GNAS: variants seen among roughly 807,000 people sequenced by gnomAD.
GNAS encodes the protein GNAS complex locus, also known as protein ALEX.
In GNAS, 8 loss-of-function variants were observed where a neutral mutation model predicts 54.5. That is an observed-to-expected ratio of 0.15 (90% CI 0.09 to 0.26). The LOEUF (loss-of-function observed/expected upper bound fraction) is 0.26, where lower values mean the gene tolerates loss of function less well. Ranked by LOEUF, GNAS falls within the 10% of genes least tolerant of loss-of-function variation. The pLI is 1.00. For synonymous variants in GNAS, 204 were observed against 191.4 expected (o/e 1.07, Z -0.54); for missense variants, 170 against 529.8 (o/e 0.32, Z 6.67).
intron 5 of GNAS, among the ~76,000 whole-genome samples, chr20:58,904,865 T>C (rs2090936697): frequency 6.6e-6 from 1 of 152,230 alleles, no homozygotes; most frequent in South Asian, 2.1e-4. Context: ...ATTAAAAATG[T>C]ATCAGAACAA....
upstream of GNAS, chr20:58,888,955 C>A (rs905192511): frequency 3.4e-5 from 15 of 444,378 alleles, no homozygotes; most frequent in Non-Finnish European, 8.9e-6. Context: ...CGCGCCCGCG[C>A]CCCCCGCCAT....
At chr20:58,896,959 C>G (rs559751877) in intron 2 of GNAS, among the ~76,000 whole-genome samples, 3 of 152,284 alleles carry the variant, frequency 2.0e-5, no homozygotes, top group Admixed American at 1.3e-4. Flanking sequence ...ACTTTTTCAC[C>G]TTTCAGAGCA....
chr20:58,877,259 A>G (rs948294331), intron 1 of GNAS, among the ~76,000 whole-genome samples: 1 of 151,932 alleles, frequency 6.6e-6, no homozygotes, highest in African/African-American at 2.4e-5. Context: ...GTCACTGCCA[A>G]ATGACAGATG....
At chr20:58,903,507 C>A in intron 3 of GNAS, 24 bp from the exon 4 acceptor site, 1 of 1,598,456 alleles carries the variant, frequency 6.3e-7, no homozygotes, top group Non-Finnish European at 8.6e-7. Flanking sequence ...ATATGATTTT[C>A]TTTTCTTTTC....
At chr20:58,855,711 C>A in intron 1 of GNAS, 1 of 643,098 alleles carries the variant, frequency 1.6e-6, no homozygotes, top group South Asian at 1.8e-5. Flanking sequence ...CTGGTGGGGT[C>A]CACGGTGGGC....
upstream of GNAS, chr20:58,840,234 G>T (rs754780507): frequency 1.2e-6 from 2 of 1,610,940 alleles, no homozygotes; most frequent in Non-Finnish European, 8.5e-7. The surrounding 1 kb of genome is among the most constrained non-coding windows in gnomAD (Gnocchi z 6.0). Flanking sequence ...GCGCTCCTCC[G>T]CGCCCTTGCC....
upstream of GNAS, chr20:58,888,807 G>A (rs1259489443): frequency 2.0e-5 from 3 of 152,222 alleles, no homozygotes; most frequent in African/African-American, 4.8e-5. Flanking sequence ...AGGGCGGGGT[G>A]GGTGGCTGGA....
At chr20:58,851,965 T>C (rs2086193661) in intron 1 of GNAS, among the ~76,000 whole-genome samples, 1 of 152,160 alleles carries the variant, frequency 6.6e-6, no homozygotes, top group South Asian at 2.1e-4. Context: ...CGCACAGCGT[T>C]GTCCAGTCTC....
upstream of GNAS, chr20:58,891,291 C>CTCCTCT (rs1452660973): frequency 6.8e-6 from 1 of 146,900 alleles, no homozygotes; most frequent in African/African-American, 2.5e-5. Flanking sequence ...CCTCCTCCTC[C>CTCCTCT]TTCCACCCCC....
chr20:58,891,512 G>A lies in GNAS; in HGVS notation c.-215G>A. ...CGGCTCGAGGGGCGGGGAGCTGCGC[G>A]CGCCCCTCGGTCCGACCGACACCCT... On this transcript the variant is annotated 5_prime_UTR_variant, in exon 1 of 13. Transcript: ENST00000371085. 1 of 974,520 alleles carries A rather than the reference G, an allele frequency of 1.0e-6. No homozygotes were observed. The highest frequency in any genetic ancestry group is 1.2e-6 in the Non-Finnish European group (1 of 823,106). 60.4% of individuals were successfully genotyped at this position (974,520 alleles called of 1,614,324 possible). A position where few individuals can be genotyped will look rare whatever the true frequency, so the allele number is the denominator to read the frequency against.
chr20:58,855,322 T>A, intron 1 of GNAS: 1 of 1,571,260 alleles, frequency 6.4e-7, no homozygotes, highest in Non-Finnish European at 8.6e-7. Flanking sequence ...ACGCACCGCC[T>A]GCTGCTTCTA....
chr20:58,890,886 C>T (rs1389401981), upstream of GNAS: 1 of 152,412 alleles, frequency 6.6e-6, no homozygotes, highest in Non-Finnish European at 1.5e-5. Flanking sequence ...TTTCCACACT[C>T]CTGCTCTCTG....
At chr20:58,850,527 G>T in intron 1 of GNAS, 2 of 398,706 alleles carry the variant, frequency 5.0e-6, no homozygotes, top group South Asian at 2.6e-4. Flanking sequence ...AATGTCTACT[G>T]ACCTTCCACT....
chr20:58,885,053 G>A (rs1199660904), intron 1 of GNAS: 2 of 152,190 alleles, frequency 1.3e-5, no homozygotes, highest in Non-Finnish European at 2.9e-5. Flanking sequence ...TATCATTTAG[G>A]CTTCTAAAAG....
chr20:58,883,969 G>A (rs2088422714), intron 1 of GNAS, among the ~76,000 whole-genome samples: 1 of 152,190 alleles, frequency 6.6e-6, no homozygotes, highest in East Asian at 1.9e-4. Context: ...CGATGAAAAG[G>A]TATCTACATT....
chr20:58,841,614 CCG>C lies in GNAS; in HGVS notation c.43+736_43+737del. On this transcript the variant is annotated intron_variant, in intron 1 of 12. Coordinates refer to the GNAS transcript ENST00000306090. This position sits in a 1 kb window ranked among gnomAD's most constrained non-coding sequence, Gnocchi z 5.0. ...CGCCTCAAAGAGCGTGCGCACCTGC[CCG>C]CGCGCGCCGGAGCTGACCTCTCCCG... 3 of 1,046,948 alleles carry C rather than the reference CCG, an allele frequency of 2.9e-6. No individual in the cohort carries two copies. The highest frequency in any genetic ancestry group is 2.3e-6 in the Non-Finnish European group (2 of 870,342). 64.9% of individuals were successfully genotyped at this position (1,046,948 alleles called of 1,614,324 possible).
At position 58,893,713 on chromosome 20, in the gene GNAS, G is replaced by C. The variant is rs954599073; in HGVS notation, c.139+1848G>C. ...CTAAAACTTTTAAAGGCAGAATTAT[G>C]CTGTTGGGATATTAGTATGCGTATA... On this transcript the variant is annotated intron_variant, in intron 1 of 12. Transcript: ENST00000371085. Among the ~76,000 whole-genome samples, 33 of 152,330 alleles carry C rather than the reference G, an allele frequency of 2.2e-4. No homozygotes were observed. In the East Asian group the frequency reaches 4.6e-3, roughly 21 times the overall value.
chr20:58,898,916 T>G (rs1211615043), intron 2 of GNAS, 25 bp from the exon 3 acceptor site: 2 of 1,608,594 alleles, frequency 1.2e-6, no homozygotes. Context: ...GCAGATTAGG[T>G]GAGCTTTCAA....
At chr20:58,877,148 A>AT (rs3215656) in intron 1 of GNAS, among the ~76,000 whole-genome samples, 68,166 of 149,696 alleles carry the variant, frequency 0.46, 15,907 homozygotes, top group East Asian at 0.65. Flanking sequence ...AAAGAACAAG[A>AT]TTTTTTTTTT....
Sources: allele counts gnomAD v4.1 joint callset (sites outside exome capture counted in the v4.1 genomes callset), GRCh38; gene constraint gnomAD v4.1.1; non-coding constraint Gnocchi (gnomAD v3.1); transcripts MANE v1.5; gene names NCBI Gene and HGNC (gene_info 2026-07-23, HGNC 2026-07-21).